Variants in GAB2 observed in about 807,000 individuals in gnomAD.
GAB2 encodes GRB2 associated binding protein 2, also known as GRB2-associated-binding protein 2.
GAB2 carries 26 observed loss-of-function variants against 65.5 expected under a neutral mutation model. The ratio of observed to expected loss-of-function variants is 0.40; its 90% CI spans 0.29 to 0.55. GAB2 has a LOEUF of 0.55. Among genes scored for constraint, GAB2 ranks in the 20% least tolerant of loss-of-function variants. The probability of loss-of-function intolerance (pLI) is 0.53; values close to 1 mark genes in which losing one functional copy is unlikely to be tolerated. For synonymous variants in GAB2, 321 were observed against 329.6 expected (o/e 0.97, Z 0.28); for missense variants, 884 against 875.8 (o/e 1.01, Z -0.12).
chr11:78,404,566 A>G (rs1198953414), intron 1 of GAB2, among the ~76,000 whole-genome samples: 1 of 152,252 alleles, frequency 6.6e-6, no homozygotes, highest in East Asian at 1.9e-4. Context: ...ACAATGGAAT[A>G]CTATTCGGCC....
At chr11:78,298,847 C>G (rs1390493083) in intron 1 of GAB2, among the ~76,000 whole-genome samples, 2 of 152,204 alleles carry the variant, frequency 1.3e-5, no homozygotes, top group African/African-American at 4.8e-5. Context: ...AGGCTTCTCT[C>G]TCAGTCCCGC....
chr11:78,274,421 C>A (rs1451841340), intron 2 of GAB2, among the ~76,000 whole-genome samples: 1 of 152,132 alleles, frequency 6.6e-6, no homozygotes, highest in African/African-American at 2.4e-5. Context: ...CAGGGGATAC[C>A]CCTACACAGA....
intron 2 of GAB2, among the ~76,000 whole-genome samples, chr11:78,271,220 G>A (rs1479481692): frequency 1.3e-5 from 2 of 152,200 alleles, no homozygotes; most frequent in African/African-American, 4.8e-5. Context: ...CAAATGTGAG[G>A]ACTTGGATCC....
At chr11:78,318,450 G>C (rs1176851507) in intron 1 of GAB2, among the ~76,000 whole-genome samples, 2 of 151,304 alleles carry the variant, frequency 1.3e-5, no homozygotes, top group African/African-American at 2.4e-5. Context: ...GTTTTAACTG[G>C]AGAGGGATAG....
At chr11:78,291,049 T>C (rs535304751) in intron 1 of GAB2, among the ~76,000 whole-genome samples, 3 of 151,538 alleles carry the variant, frequency 2.0e-5, no homozygotes, top group Admixed American at 2.0e-4. Context: ...GGCATGGCTG[T>C]GTTCCAATAA....
chr11:78,398,071 T>C (rs1441198440), intron 1 of GAB2, among the ~76,000 whole-genome samples: 1 of 143,378 alleles, frequency 7.0e-6, no homozygotes, highest in Non-Finnish European at 1.5e-5. Flanking sequence ...TGTTTTCCTC[T>C]AGGAAATTAT....
At chr11:78,234,469 T>C (rs962461115) in intron 3 of GAB2, among the ~76,000 whole-genome samples, 1 of 151,984 alleles carries the variant, frequency 6.6e-6, no homozygotes, top group African/African-American at 2.4e-5. Flanking sequence ...AGGGTTGCTG[T>C]TCTTTTTTTA....
intron 1 of GAB2, among the ~76,000 whole-genome samples, chr11:78,385,621 C>A (rs1297334097): frequency 1.3e-5 from 2 of 152,196 alleles, no homozygotes; most frequent in African/African-American, 4.8e-5. Flanking sequence ...AGAACTCACA[C>A]AGGTGAGCAG....
intron 1 of GAB2, among the ~76,000 whole-genome samples, chr11:78,289,814 C>CTT (rs56926225): frequency 0.045 from 3,781 of 83,642 alleles, 323 homozygotes; most frequent in African/African-American, 0.1. Context: ...AGAACAGGAC[C>CTT]TTTTTTTTTT....
In GAB2 at chr11:78,277,953, TTTC is replaced by T. The variant is rs768242835; in HGVS notation, c.376+2645_376+2647del. On this transcript the variant is annotated intron_variant, in intron 2 of 9. Coordinates refer to ENST00000361507, the MANE Select transcript of GAB2 (RefSeq NM_080491.3). Reference sequence around the variant, plus strand: ...TGCCTTATGCCCTTTGGCCGAATTCTTTCTTCTGAGGAGGCAAGAATTGAGGTT... The same window carrying T: ...TGCCTTATGCCCTTTGGCCGAATTCTTTCTGAGGAGGCAAGAATTGAGGTT... Among the ~76,000 whole-genome samples, 7 of 152,352 alleles carry T rather than the reference TTTC, an allele frequency of 4.6e-5. No homozygotes were observed. In the East Asian group the frequency reaches 1.2e-3, roughly 25 times the overall value.
chr11:78,309,971 T>TGTGTGTGTGTGTGTGTGTGTGC (rs1421836447), intron 1 of GAB2, among the ~76,000 whole-genome samples: 1 of 120,088 alleles, frequency 8.3e-6, no homozygotes, highest in African/African-American at 3.6e-5. Flanking sequence ...TGTGTGTGTG[T>TGTGTGTGTGTGTGTGTGTGTGC]GCGCGCGCGC....
intron 8 of GAB2, among the ~76,000 whole-genome samples, chr11:78,221,469 A>T (rs1261477533): frequency 6.6e-6 from 1 of 152,214 alleles, no homozygotes; most frequent in Non-Finnish European, 1.5e-5. Context: ...TCGTTGGGAC[A>T]GGTCTCATGT....
chr11:78,377,544 G>A (rs542157470), intron 1 of GAB2, among the ~76,000 whole-genome samples: 8 of 152,210 alleles, frequency 5.3e-5, no homozygotes, highest in African/African-American at 1.2e-4. Flanking sequence ...ACAGGGGACC[G>A]GCATGTTGAC....
chr11:78,250,430 A>C, intron 2 of GAB2, 30 bp from the exon 3 acceptor site: 1 of 1,601,840 alleles, frequency 6.2e-7, no homozygotes, highest in Middle Eastern at 1.7e-4. Flanking sequence ...CTGTGAATGA[A>C]AAAGGAAGGA....
At chr11:78,280,533 C>T in intron 2 of GAB2, 68 bp downstream of exon 2, 1 of 1,264,628 alleles carries the variant, frequency 7.9e-7, no homozygotes, top group Non-Finnish European at 1.1e-6. Flanking sequence ...AGCCTGCTCT[C>T]AATGCTCCAG....
intron 1 of GAB2, chr11:78,392,498 G>T (rs1299329984): frequency 6.6e-6 from 1 of 152,200 alleles, no homozygotes; most frequent in African/African-American, 2.4e-5. Flanking sequence ...GCCATTCCAA[G>T]TTGTCCATGA....
At chr11:78,237,508 C>T (rs1865012818) in intron 3 of GAB2, among the ~76,000 whole-genome samples, 1 of 152,066 alleles carries the variant, frequency 6.6e-6, no homozygotes, top group African/African-American at 2.4e-5. Flanking sequence ...GGCAGAAAGG[C>T]TGTTACTGGT....
At chr11:78,260,148 G>A (rs1359580082) in intron 2 of GAB2, among the ~76,000 whole-genome samples, 2 of 152,134 alleles carry the variant, frequency 1.3e-5, no homozygotes, top group Non-Finnish European at 2.9e-5. Context: ...AGACAGACAG[G>A]CAGTAACATG....
chr11:78,269,740 G>A (rs1238981141), intron 2 of GAB2, among the ~76,000 whole-genome samples: 1 of 152,192 alleles, frequency 6.6e-6, no homozygotes, highest in South Asian at 2.1e-4. Context: ...AATATTTAAA[G>A]GGGACAGTCT....
Sources: allele counts gnomAD v4.1 joint callset (sites outside exome capture counted in the v4.1 genomes callset), GRCh38; gene constraint gnomAD v4.1.1; transcripts MANE v1.5; gene names NCBI Gene and HGNC (gene_info 2026-07-23, HGNC 2026-07-21).